The following THRB variants were observed in gnomAD, a reference collection of about 807,000 sequenced individuals.
THRB encodes the protein thyroid hormone receptor beta.
In THRB, 12 loss-of-function variants were observed where a neutral mutation model predicts 47.8. The ratio of observed to expected loss-of-function variants is 0.25; its 90% CI spans 0.16 to 0.41. The LOEUF (loss-of-function observed/expected upper bound fraction) is 0.41, where lower values mean the gene tolerates loss of function less well. THRB is among the 10% of genes least tolerant of loss of function. The probability of loss-of-function intolerance (pLI) is 1.00; values close to 1 mark genes in which losing one functional copy is unlikely to be tolerated. For synonymous variants in THRB, 218 were observed against 212.2 expected (o/e 1.03, Z -0.24); for missense variants, 348 against 589.2 (o/e 0.59, Z 4.24).
intron 1 of THRB, among the ~76,000 whole-genome samples, chr3:24,448,015 C>G (rs1447258597): frequency 6.6e-6 from 1 of 151,948 alleles, no homozygotes; most frequent in Non-Finnish European, 1.5e-5. Context: ...TTCTTTGAAA[C>G]CTGTAGCGAT....
chr3:24,400,470 A>G (rs979299031), intron 1 of THRB, among the ~76,000 whole-genome samples: 1 of 152,118 alleles, frequency 6.6e-6, no homozygotes, highest in African/African-American at 2.4e-5. Flanking sequence ...CAGTCATTGA[A>G]TGATACCACA....
intron 3 of THRB, among the ~76,000 whole-genome samples, chr3:24,232,397 C>T (rs1330749769): frequency 1.3e-5 from 2 of 152,186 alleles, no homozygotes; most frequent in African/African-American, 4.8e-5. Flanking sequence ...TTTCACCTTA[C>T]CTGTCTCTTC....
At chr3:24,274,648 T>C (rs575903622) in intron 3 of THRB, among the ~76,000 whole-genome samples, 2 of 152,250 alleles carry the variant, frequency 1.3e-5, no homozygotes, top group South Asian at 4.1e-4. Context: ...ACCTTATATA[T>C]GACATACAAA....
chr3:24,455,927 T>C (rs1410324320), intron 1 of THRB, among the ~76,000 whole-genome samples: 2 of 152,218 alleles, frequency 1.3e-5, no homozygotes, highest in Non-Finnish European at 2.9e-5. Flanking sequence ...AATATATTTT[T>C]AAAGCATTTT....
At chr3:24,157,685 C>G (rs538946420) in intron 5 of THRB, among the ~76,000 whole-genome samples, 2 of 152,152 alleles carry the variant, frequency 1.3e-5, no homozygotes, top group East Asian at 3.9e-4. Flanking sequence ...GCATGGTCAC[C>G]ACACCTGGCT....
chr3:24,429,473 T>G (rs941698691), intron 1 of THRB, among the ~76,000 whole-genome samples: 2 of 151,978 alleles, frequency 1.3e-5, no homozygotes, highest in Admixed American at 1.3e-4. Flanking sequence ...AATTGGACAA[T>G]AGTTAATTAA....
At chr3:24,298,313 C>G (rs934556491) in intron 2 of THRB, among the ~76,000 whole-genome samples, 7 of 152,202 alleles carry the variant, frequency 4.6e-5, no homozygotes, top group Non-Finnish European at 8.8e-5. Context: ...TACAATCCCT[C>G]CCTTCTAGGT....
At chr3:24,487,047 A>G (rs185512774) in intron 1 of THRB, among the ~76,000 whole-genome samples, 4 of 152,326 alleles carry the variant, frequency 2.6e-5, no homozygotes, top group Admixed American at 2.6e-4. Context: ...GATTATGATT[A>G]TAATGTTTTC....
intron 3 of THRB, among the ~76,000 whole-genome samples, chr3:24,288,122 GA>G: frequency 6.6e-6 from 1 of 152,336 alleles, no homozygotes; most frequent in South Asian, 2.1e-4. Flanking sequence ...CCCAAATATA[GA>G]AGGCAAGTTT....
At chr3:24,279,712 G>C (rs571784668) in intron 3 of THRB, among the ~76,000 whole-genome samples, 1 of 152,020 alleles carries the variant, frequency 6.6e-6, no homozygotes, top group Non-Finnish European at 1.5e-5. Flanking sequence ...ATGAGTTCTT[G>C]TTCTACTTTT....
intron 3 of THRB, among the ~76,000 whole-genome samples, chr3:24,262,848 T>A (rs555207351): frequency 2.1e-4 from 32 of 151,844 alleles, no homozygotes; most frequent in Admixed American, 5.3e-4. Context: ...GGGATTTTTT[T>A]ATTTTTTTTT....
intron 3 of THRB, among the ~76,000 whole-genome samples, chr3:24,248,249 C>T (rs946107082): frequency 1.3e-5 from 2 of 152,018 alleles, no homozygotes; most frequent in African/African-American, 4.8e-5. Flanking sequence ...AACCCTAACC[C>T]CACGCATTGA....
At chr3:24,411,747 T>A (rs1249017558) in intron 1 of THRB, among the ~76,000 whole-genome samples, 5 of 151,670 alleles carry the variant, frequency 3.3e-5, no homozygotes, top group African/African-American at 1.2e-4. Flanking sequence ...AGAAAGAGGA[T>A]GGTGCTACTG....
rs2031739290 is a variant in THRB, at chr3:24,121,825, GC to G, written c.*1058del. On this transcript the variant is annotated 3_prime_UTR_variant, in exon 11 of 11. Transcript: ENST00000646209. ...CCTCCAGCCATCAGGACACAAAGGG[GC>G]CCTCAGAACACTGCATTTCCTTCAA... is the stretch of plus-strand genomic sequence containing the variant. The G allele has an allele frequency of 6.6e-6, 1 of 152,326 alleles. No individual in the cohort carries two copies. Among genetic ancestry groups the G allele is most frequent in the South Asian group, 2.1e-4 (1 of 4,826 alleles). The allele number at this position is 152,326 out of a possible 1,614,324, so 9.4% of individuals were successfully genotyped here.
chr3:24,170,222 T>C (rs2040249874), intron 5 of THRB, among the ~76,000 whole-genome samples: 1 of 152,182 alleles, frequency 6.6e-6, no homozygotes, highest in African/African-American at 2.4e-5. Context: ...ACAACTCTTT[T>C]CTTCCCTTCA....
chr3:24,210,777 G>A (rs917584169), intron 4 of THRB, among the ~76,000 whole-genome samples: 1 of 152,224 alleles, frequency 6.6e-6, no homozygotes, highest in African/African-American at 2.4e-5. Flanking sequence ...AGGTATGAAT[G>A]ACTGACAGGT....
intron 3 of THRB, among the ~76,000 whole-genome samples, chr3:24,238,567 G>A (rs180719709): frequency 1.3e-5 from 2 of 152,214 alleles, no homozygotes; most frequent in East Asian, 1.9e-4. Flanking sequence ...CTGCAACCCT[G>A]GATGGTGTCA....
At chr3:24,269,597 TA>T (rs1315569295) in intron 3 of THRB, among the ~76,000 whole-genome samples, 2 of 115,606 alleles carry the variant, frequency 1.7e-5, no homozygotes, top group African/African-American at 3.3e-5. Flanking sequence ...GGATAATTTT[TA>T]ATTTTTTTTT....
chr3:24,239,749 G>A (rs1309877884), intron 3 of THRB, among the ~76,000 whole-genome samples: 1 of 152,064 alleles, frequency 6.6e-6, no homozygotes, highest in African/African-American at 2.4e-5. Context: ...TTTAGAATGT[G>A]TATTTCCTGC....
Sources: allele counts gnomAD v4.1 joint callset (sites outside exome capture counted in the v4.1 genomes callset), GRCh38; gene constraint gnomAD v4.1.1; transcripts MANE v1.5; gene names NCBI Gene and HGNC (gene_info 2026-07-23, HGNC 2026-07-21).